Variants in MACROD2 observed in about 807,000 individuals in gnomAD.
MACROD2 encodes mono-ADP ribosylhydrolase 2, also known as ADP-ribose glycohydrolase MACROD2.
MACROD2 carries 36 observed loss-of-function variants against 70.4 expected under a neutral mutation model. The ratio of observed to expected loss-of-function variants is 0.51; its 90% CI spans 0.39 to 0.68. The LOEUF (loss-of-function observed/expected upper bound fraction) is 0.68. Ranked by LOEUF, MACROD2 falls within the 30% of genes least tolerant of loss-of-function variation. MACROD2 has a pLI of 0.00. For synonymous variants in MACROD2, 172 were observed against 178.8 expected (o/e 0.96, Z 0.30); for missense variants, 496 against 538.4 (o/e 0.92, Z 0.78).
intron 8 of MACROD2, among the ~76,000 whole-genome samples, chr20:15,756,639 T>C (rs1410318186): frequency 6.6e-6 from 1 of 152,152 alleles, no homozygotes; most frequent in Admixed American, 6.5e-5. Flanking sequence ...TAACATGCTC[T>C]GAATTTGAAT....
At position 15,219,298 on chromosome 20, in the gene MACROD2, A is replaced by G. The variant is rs1297460104; in HGVS notation, c.419-10642A>G. Among the ~76,000 whole-genome samples the G allele has an allele frequency of 2.6e-5, 4 of 152,246 alleles. No individual in the cohort carries two copies. In the East Asian group the frequency reaches 7.7e-4, roughly 29 times the overall value. On this transcript the variant is annotated intron_variant, in intron 5 of 17. Coordinates refer to ENST00000684519, the MANE Select transcript of MACROD2 (RefSeq NM_001351661.2). ...AAGTTTGAAAATAGCTCTAGTGCAC[A>G]GTAAACCCATTATCTCTGAAAAGTA... is the stretch of plus-strand genomic sequence containing the variant.
At chr20:15,730,020 G>T (rs914233934) in intron 8 of MACROD2, among the ~76,000 whole-genome samples, 1 of 151,824 alleles carries the variant, frequency 6.6e-6, no homozygotes, top group Admixed American at 6.6e-5. Flanking sequence ...TAGAGATGGG[G>T]TTTCACCATG....
At chr20:14,914,486 T>C (rs917368652) in intron 5 of MACROD2, among the ~76,000 whole-genome samples, 1 of 152,118 alleles carries the variant, frequency 6.6e-6, no homozygotes, top group Non-Finnish European at 1.5e-5. Flanking sequence ...TATGAGAGCT[T>C]TGGGGCTAAG....
At position 14,230,669 on chromosome 20, in the gene MACROD2, C is replaced by CTATATA. The variant is rs71190120; in HGVS notation, c.271+144967_271+144972dup. Among the ~76,000 whole-genome samples the CTATATA allele has an allele frequency of 6.5e-4, 60 of 92,912 alleles. 2 individuals carry two copies. The highest frequency in any genetic ancestry group is 3.0e-3 in the African/African-American group (58 of 19,284). The allele number at this position is 92,912 out of a possible 152,430, so 61.0% of individuals were successfully genotyped here. On this transcript the variant is annotated intron_variant, in intron 3 of 17. Coordinates refer to ENST00000684519, the MANE Select transcript of MACROD2 (RefSeq NM_001351661.2). ...TATATATATATAACACAGGCTGGGC[C>CTATATA]TATATATATATATATATATATATAT...
chr20:15,456,662 G>A (rs2046730847), intron 7 of MACROD2, among the ~76,000 whole-genome samples: 1 of 152,090 alleles, frequency 6.6e-6, no homozygotes, highest in African/African-American at 2.4e-5. Context: ...TTGTGACTTT[G>A]GCTTCTCTTT....
Position 15,133,548 on chromosome 20 carries a change from G to T in MACROD2, c.419-96392G>T, listed in dbSNP as rs200686158. Among the ~76,000 whole-genome samples the T allele has an allele frequency of 9.2e-5, 14 of 152,208 alleles. No homozygotes were observed. The East Asian group carries it at 2.7e-3, about 29-fold the overall frequency. On this transcript the variant is annotated intron_variant, in intron 5 of 17. Transcript: ENST00000684519. ...TTTCCAGAGTGGATATATTGATAAA[G>T]GACTCTCAATTCTGAGGATATAAAA... is the stretch of plus-strand genomic sequence containing the variant.
chr20:15,936,671 G>GTATATATATATA (rs10626103), intron 11 of MACROD2, among the ~76,000 whole-genome samples: 4 of 143,298 alleles, frequency 2.8e-5, no homozygotes, highest in South Asian at 2.2e-4. Flanking sequence ...GTATATGTGT[G>GTATATATATATA]TATATATATA....
At chr20:15,244,577 C>A (rs1209431771) in intron 6 of MACROD2, among the ~76,000 whole-genome samples, 1 of 152,142 alleles carries the variant, frequency 6.6e-6, no homozygotes, top group Non-Finnish European at 1.5e-5. Flanking sequence ...TAGGCAGACA[C>A]TTCTTTCCCT....
At chr20:14,504,198 A>T (rs2084945538) in intron 4 of MACROD2, among the ~76,000 whole-genome samples, 1 of 152,256 alleles carries the variant, frequency 6.6e-6, no homozygotes, top group South Asian at 2.1e-4. Flanking sequence ...GCTGTTGGAC[A>T]GATGGCTAAA....
At chr20:15,075,932 G>T (rs977370556) in intron 5 of MACROD2, among the ~76,000 whole-genome samples, 4 of 152,024 alleles carry the variant, frequency 2.6e-5, no homozygotes, top group Non-Finnish European at 5.9e-5. Flanking sequence ...AATTTTAGGG[G>T]AAGAATATGT....
intron 5 of MACROD2, among the ~76,000 whole-genome samples, chr20:14,857,810 GTTTGT>G (rs71190157): frequency 4.6e-5 from 7 of 151,140 alleles, no homozygotes; most frequent in African/African-American, 1.2e-4. Context: ...TGCTTTTTTT[GTTTGT>G]TTTGTTTTGT....
intron 6 of MACROD2, among the ~76,000 whole-genome samples, chr20:15,318,685 G>A (rs2077841035): frequency 6.6e-6 from 1 of 152,050 alleles, no homozygotes; most frequent in Non-Finnish European, 1.5e-5. Context: ...AGCAATCAAT[G>A]TAATACACCA....
At chr20:14,903,606 G>T (rs1336347805) in intron 5 of MACROD2, among the ~76,000 whole-genome samples, 1 of 151,966 alleles carries the variant, frequency 6.6e-6, no homozygotes, top group Non-Finnish European at 1.5e-5. Context: ...AGTAAAAATT[G>T]CTGAACCTGG....
intron 3 of MACROD2, among the ~76,000 whole-genome samples, chr20:14,120,563 ACATG>A (rs2054574451): frequency 6.6e-6 from 1 of 151,974 alleles, no homozygotes; most frequent in Non-Finnish European, 1.5e-5. Flanking sequence ...CTATAAAGAC[ACATG>A]CATGTGTATG....
At chr20:14,429,786 C>G (rs2122924422) in intron 3 of MACROD2, among the ~76,000 whole-genome samples, 1 of 152,208 alleles carries the variant, frequency 6.6e-6, no homozygotes, top group Non-Finnish European at 1.5e-5. Flanking sequence ...CAGACAGTGG[C>G]TGATGGGAAA....
intron 5 of MACROD2, among the ~76,000 whole-genome samples, chr20:15,165,824 T>C (rs1386761265): frequency 6.6e-6 from 1 of 152,156 alleles, no homozygotes; most frequent in East Asian, 1.9e-4. Context: ...TTAAGAAATA[T>C]ATTAAATAAT....
At chr20:14,629,941 T>TC (rs1384406821) in intron 4 of MACROD2, among the ~76,000 whole-genome samples, 3 of 150,900 alleles carry the variant, frequency 2.0e-5, no homozygotes, top group Non-Finnish European at 4.4e-5. Context: ...TCAGATCCTA[T>TC]TATGTGCTAA....
At chr20:14,140,689 A>G (rs2054859755) in intron 3 of MACROD2, among the ~76,000 whole-genome samples, 1 of 152,166 alleles carries the variant, frequency 6.6e-6, no homozygotes, top group Non-Finnish European at 1.5e-5. Context: ...CTGCTGCCGA[A>G]TGACTTCCAA....
chr20:14,317,374 C>T (rs1186196668), intron 3 of MACROD2, among the ~76,000 whole-genome samples: 1 of 152,072 alleles, frequency 6.6e-6, no homozygotes, highest in African/African-American at 2.4e-5. Flanking sequence ...AATCCCAGCA[C>T]TTTGGGAGGC....
Sources: allele counts gnomAD v4.1 joint callset (sites outside exome capture counted in the v4.1 genomes callset), GRCh38; gene constraint gnomAD v4.1.1; transcripts MANE v1.5; gene names NCBI Gene and HGNC (gene_info 2026-07-23, HGNC 2026-07-21).